The following SHPRH variants were observed in gnomAD, a reference collection of about 807,000 sequenced individuals.
SHPRH encodes SNF2 histone linker PHD RING helicase.
SHPRH carries 106 observed loss-of-function variants against 202.5 expected under a neutral mutation model. That is an observed-to-expected ratio of 0.52 (90% CI 0.45 to 0.62). The LOEUF (loss-of-function observed/expected upper bound fraction) is 0.62, where lower values mean the gene tolerates loss of function less well. Ranked by LOEUF, SHPRH falls within the 20% of genes least tolerant of loss-of-function variation. The probability of loss-of-function intolerance (pLI) is 0.00; values close to 1 mark genes in which losing one functional copy is unlikely to be tolerated. For missense variants in SHPRH, 1,710 were observed against 2,020.0 expected (o/e 0.85, Z 2.94); for synonymous variants, 729 against 686.0 (o/e 1.06, Z -0.98).
rs372594225 is a variant in SHPRH, at chr6:145,946,284, T to C, written c.1270A>G (p.Thr424Ala). ...SHYFGGKLKK[T>A]EIQNIEFEPK... ...TCAAATTCGATATTCTGGATTTCTG[T>C]CTTTTTCAGTTTTCCTCCAAAATAA... Residue 424 changes from threonine to alanine, a missense_variant, in exon 7 of 30, where the codon ACA (threonine) becomes GCA (alanine). By Grantham distance (58) the Thr-to-Ala change is moderately conservative. Transcript: ENST00000275233. 16 of 1,609,362 alleles carry C rather than the reference T, an allele frequency of 9.9e-6. No individual in the cohort carries two copies. The African/African-American group carries it at 2.1e-4, about 22-fold the overall frequency.
At chr6:145,867,110 AG>A (rs1554220218) in intron 2 of SHPRH, among the ~76,000 whole-genome samples, 1 of 152,154 alleles carries the variant, frequency 6.6e-6, no homozygotes, top group Non-Finnish European at 1.5e-5. Context: ...AGGTCACTAT[AG>A]GGGAAATATT....
At chr6:145,894,273 C>T (rs1448097680) in intron 26 of SHPRH, 37 bp from the exon 27 acceptor site, 13 of 1,460,100 alleles carry the variant, frequency 8.9e-6, no homozygotes, top group Non-Finnish European at 1.9e-6. Context: ...CCAATATTTA[C>T]ACGTAGCCTT....
At chr6:145,916,296 T>A (rs1783946069) in intron 23 of SHPRH, among the ~76,000 whole-genome samples, 1 of 152,146 alleles carries the variant, frequency 6.6e-6, no homozygotes. Flanking sequence ...CGCTCTAAAA[T>A]CATAAACTTT....
chr6:145,910,658 C>A, intron 24 of SHPRH, 22 bp from the exon 25 acceptor site: 1 of 1,543,558 alleles, frequency 6.5e-7, no homozygotes, highest in African/African-American at 1.4e-5. Context: ...ACAGAACAAG[C>A]CTTAGTGCTA....
chr6:145,915,321 T>C (rs930599765), intron 23 of SHPRH, among the ~76,000 whole-genome samples: 1 of 151,580 alleles, frequency 6.6e-6, no homozygotes, highest in Admixed American at 6.6e-5. Context: ...TAAGACAGCA[T>C]TGTTGCTTTT....
chr6:145,887,537 T>G lies in SHPRH; in HGVS notation c.4955+483A>C, dbSNP rs980376766. On this transcript the variant is annotated intron_variant, in intron 29 of 29. Coordinates refer to ENST00000275233, the MANE Select transcript of SHPRH (RefSeq NM_001042683.3). ...ACAATTAACCTTAACAAGTTTGTTT[T>G]TTTTTTTTTTTTTTTTGAGACACAG... Among the ~76,000 whole-genome samples the G allele has an allele frequency of 3.7e-4, 55 of 148,058 alleles. 1 individual carries two copies. Among genetic ancestry groups the G allele is most frequent in the African/African-American group, 6.9e-4 (28 of 40,384 alleles).
chr6:145,879,190 T>A (rs1489496267), intron 2 of SHPRH, among the ~76,000 whole-genome samples: 1 of 152,228 alleles, frequency 6.6e-6, no homozygotes, highest in African/African-American at 2.4e-5. Flanking sequence ...TTTTATTTAT[T>A]CTAACCAGTT....
intron 18 of SHPRH, among the ~76,000 whole-genome samples, chr6:145,923,177 G>A (rs534849372): frequency 6.6e-6 from 1 of 151,762 alleles, no homozygotes; most frequent in South Asian, 2.1e-4. Context: ...TGACATCCTT[G>A]CTCTATATGA....
intron 2 of SHPRH, among the ~76,000 whole-genome samples, chr6:145,953,606 G>T (rs1788200729): frequency 6.6e-6 from 1 of 152,052 alleles, no homozygotes; most frequent in Non-Finnish European, 1.5e-5. Flanking sequence ...GGTTATCGAT[G>T]CAAGAAATAT....
chr6:145,956,168 C>T (rs1788487875), intron 1 of SHPRH, among the ~76,000 whole-genome samples: 1 of 152,002 alleles, frequency 6.6e-6, no homozygotes, highest in Non-Finnish European at 1.5e-5. Context: ...ACATCAGAAA[C>T]CTACTAGACA....
chr6:145,886,624 T>C lies in SHPRH; in HGVS notation c.*67A>G. The C allele has an allele frequency of 6.3e-7, 1 of 1,583,738 alleles. No individual in the cohort carries two copies. The highest frequency in any genetic ancestry group is 2.2e-5 in the East Asian group (1 of 44,448). ...TTATCTACTGGGTTTTTAAAACTTGTAACTTTGCTCTACAGCTATGAAAGT... is the reference window on the plus strand; with the variant it reads ...TTATCTACTGGGTTTTTAAAACTTGCAACTTTGCTCTACAGCTATGAAAGT... On this transcript the variant is annotated 3_prime_UTR_variant, in exon 30 of 30. Transcript: ENST00000275233.
At chr6:145,911,895 G>A (rs1422611519) in intron 24 of SHPRH, among the ~76,000 whole-genome samples, 1 of 152,068 alleles carries the variant, frequency 6.6e-6, no homozygotes. Flanking sequence ...AGAGTCCACA[G>A]GAGTTGAGAC....
In SHPRH at chr6:145,923,688, GTTA is replaced by G. The variant is rs776011573; in HGVS notation, c.3497_3499del (p.Ile1166del). 1 of 1,611,650 alleles carries G rather than the reference GTTA, an allele frequency of 6.2e-7. No homozygotes were observed. Among genetic ancestry groups the G allele is most frequent in the Non-Finnish European group, 8.5e-7 (1 of 1,178,500 alleles). ...GCCAGTTTGTTGCTTGTAGTTGCTG[GTTA>G]TTTCATTTCGCACTCGCTGAACTAG... On this transcript the variant is annotated inframe_deletion, in exon 18 of 30. Transcript: ENST00000275233.
Position 145,864,330 on chromosome 6 carries a change from GA to G in SHPRH, c.382del (p.Ser128GlnfsTer9). ...TACTTGTGCAAAACATCTCTAAATTGAAAAAGATGATAAAAAACAAATCAAA... is the reference window on the plus strand; with the variant it reads ...TACTTGTGCAAAACATCTCTAAATTGAAAAGATGATAAAAAACAAATCAAA... On this transcript the variant is annotated frameshift_variant, in exon 3 of 3. Coordinates refer to the SHPRH transcript ENST00000417762. LOFTEE classifies it high-confidence loss of function. 7.5e-6 allele frequency: 3 copies of G among 398,604 alleles called. No individual in the cohort carries two copies. Among genetic ancestry groups the G allele is most frequent in the Non-Finnish European group, 1.6e-5 (3 of 190,836 alleles). 24.7% of individuals were successfully genotyped at this position (398,604 alleles called of 1,614,324 possible). A position where few individuals can be genotyped will look rare whatever the true frequency, so the allele number is the denominator to read the frequency against.
intron 11 of SHPRH, among the ~76,000 whole-genome samples, chr6:145,939,664 C>A (rs1786526778): frequency 6.6e-6 from 1 of 152,098 alleles, no homozygotes; most frequent in Admixed American, 6.6e-5. Context: ...AGTTTCCAAA[C>A]ATGAAAGGAG....
downstream of SHPRH, among the ~76,000 whole-genome samples, chr6:145,859,972 C>G (rs532057117): frequency 2.0e-5 from 3 of 152,088 alleles, no homozygotes; most frequent in South Asian, 4.1e-4. Flanking sequence ...TTTTTATAAT[C>G]TAAATTTGAA....
At chr6:145,876,577 T>C (rs1237658985) in intron 2 of SHPRH, 1 of 152,252 alleles carries the variant, frequency 6.6e-6, no homozygotes, top group East Asian at 1.9e-4. Flanking sequence ...TATCGTTTGA[T>C]AGGCATTTGG....
chr6:145,937,108 C>T (rs983753746), intron 11 of SHPRH, among the ~76,000 whole-genome samples: 1 of 151,676 alleles, frequency 6.6e-6, no homozygotes, highest in Non-Finnish European at 1.5e-5. Context: ...CTCAGCCTCC[C>T]GACTAGCTGG....
chr6:145,871,665 C>G (rs1780061336), intron 2 of SHPRH, among the ~76,000 whole-genome samples: 1 of 152,140 alleles, frequency 6.6e-6, no homozygotes. Flanking sequence ...TAAATTACCA[C>G]TGACATTCTT....
Sources: gnomAD v4.1 joint callset for allele counts (sites outside exome capture counted in the v4.1 genomes callset) on GRCh38, gnomAD v4.1.1 for gene constraint, MANE v1.5 for transcripts, NCBI Gene and HGNC (gene_info 2026-07-23, HGNC 2026-07-21) for gene names.